Variants in C5orf24 observed in about 807,000 individuals in gnomAD.
The protein encoded by C5orf24 is chromosome 5 open reading frame 24, also known as UPF0461 protein C5orf24.
Under a neutral mutation model 9.8 loss-of-function variants are expected in C5orf24, and 4 were observed. That is an observed-to-expected ratio of 0.41 (90% CI 0.20 to 0.93). C5orf24 has a LOEUF of 0.93. Among genes scored for constraint, C5orf24 ranks in the 40% least tolerant of loss-of-function variants. The probability of loss-of-function intolerance (pLI) is 0.33; values close to 1 mark genes in which losing one functional copy is unlikely to be tolerated. For missense variants in C5orf24, 170 were observed against 236.9 expected (o/e 0.72, Z 1.85); for synonymous variants, 73 against 81.3 (o/e 0.90, Z 0.55).
intron 1 of C5orf24, among the ~76,000 whole-genome samples, chr5:134,849,992 A>C (rs1443670738): frequency 1.3e-5 from 2 of 151,972 alleles, no homozygotes; most frequent in South Asian, 4.2e-4. Flanking sequence ...ATTGGAATAA[A>C]TAGCTTTACT....
chr5:134,845,746 GTTA>G (rs1755970035), upstream of C5orf24: 1 of 152,310 alleles, frequency 6.6e-6, no homozygotes, highest in Non-Finnish European at 1.5e-5. Context: ...AAGTAAGGAA[GTTA>G]TTAATTCCCC....
At chr5:134,841,544 G>A (rs1755893880), upstream of C5orf24, among the ~76,000 whole-genome samples, 2 of 151,996 alleles carry the variant, frequency 1.3e-5, no homozygotes, top group Non-Finnish European at 1.5e-5. Flanking sequence ...CCAACATCTC[G>A]CCACTGCACT....
the C5orf24 span, among the ~76,000 whole-genome samples, chr5:134,839,125 T>G: frequency 1.7e-4 from 25 of 149,886 alleles, no homozygotes; most frequent in African/African-American, 5.6e-4. Context: ...CCCCTGAGCC[T>G]GGGGAGGTTG....
At chr5:134,836,070 A>T in the C5orf24 span, among the ~76,000 whole-genome samples, 2 of 151,870 alleles carry the variant, frequency 1.3e-5, no homozygotes, top group African/African-American at 2.4e-5. Context: ...ATATTTTTAA[A>T]TGAAAGATAT....
At position 134,855,114 on chromosome 5, in the gene C5orf24, A is replaced by G. The variant is rs770775481; in HGVS notation, c.214A>G (p.Ile72Val). 2.5e-6 allele frequency: 4 copies of G among 1,614,194 alleles called. No homozygotes were observed. Among genetic ancestry groups the G allele is most frequent in the Non-Finnish European group, 3.4e-6 (4 of 1,180,038 alleles). Reference sequence around the variant, plus strand: ...CTTGCAGACTACAAGTGGCAGAAGCATAGAAATAAAAGATGAACTAAAGAA... The same window carrying G: ...CTTGCAGACTACAAGTGGCAGAAGCGTAGAAATAAAAGATGAACTAAAGAA... The part of the protein sequence containing the change: ...THLQTTSGRS[I>V]EIKDELKKKK... Residue 72 changes from isoleucine (I) to valine (V), a missense_variant, in exon 2 of 2, where the codon ATA becomes GTA. Around this residue, in one of 3 missense-constraint regions of C5orf24, gnomAD observed 93 missense variants for 104.5 expected, o/e 0.89. Transcript: ENST00000394976.
chr5:134,848,376 G>C (rs751043159), intron 1 of C5orf24, among the ~76,000 whole-genome samples: 4 of 150,730 alleles, frequency 2.7e-5, no homozygotes, highest in Non-Finnish European at 4.4e-5. Context: ...GGGTCTTTCC[G>C]CCCGGCGTGG....
chr5:134,848,846 A>G (rs1460446455), intron 1 of C5orf24, among the ~76,000 whole-genome samples: 1 of 150,254 alleles, frequency 6.7e-6, no homozygotes, highest in Admixed American at 6.7e-5. Flanking sequence ...AATCCCAGCT[A>G]CTCAGGAGGC....
upstream of C5orf24, chr5:134,845,724 G>GA (rs954373055): frequency 6.6e-6 from 1 of 152,262 alleles, no homozygotes; most frequent in Non-Finnish European, 1.5e-5. Context: ...GAATTGTGGT[G>GA]AAAACCAATA....
upstream of C5orf24, among the ~76,000 whole-genome samples, chr5:134,842,750 A>G (rs1335283531): frequency 1.3e-5 from 2 of 152,126 alleles, no homozygotes; most frequent in African/African-American, 2.4e-5. Context: ...CTTCTGTGAA[A>G]TATCTCCAGA....
chr5:134,835,901 G>A, the C5orf24 span, among the ~76,000 whole-genome samples: 34 of 151,840 alleles, frequency 2.2e-4, no homozygotes, highest in Non-Finnish European at 3.1e-4. Context: ...GTCTCGCTAT[G>A]TTGCCCAGGC....
chr5:134,834,928 C>T, the C5orf24 span, among the ~76,000 whole-genome samples: 1 of 152,090 alleles, frequency 6.6e-6, no homozygotes, highest in South Asian at 2.1e-4. Context: ...CCTGTAGTCC[C>T]AGCTACTCGG....
At chr5:134,837,123 G>A in the C5orf24 span, among the ~76,000 whole-genome samples, 345 of 151,970 alleles carry the variant, frequency 2.3e-3, no homozygotes, top group Non-Finnish European at 3.8e-3. Context: ...ATAGGCATGC[G>A]TCACCATGCC....
chr5:134,852,945 C>G (rs1437628146), intron 1 of C5orf24, among the ~76,000 whole-genome samples: 1 of 152,176 alleles, frequency 6.6e-6, no homozygotes, highest in African/African-American at 2.4e-5. Flanking sequence ...GCAGGCAGAT[C>G]ACGAGGTCAG....
At chr5:134,838,957 C>T in the C5orf24 span, among the ~76,000 whole-genome samples, 1 of 151,906 alleles carries the variant, frequency 6.6e-6, no homozygotes, top group African/African-American at 2.4e-5. Context: ...ACCTGTAATC[C>T]CAGCACTTTG....
rs554710732 is a variant in C5orf24 at position 134,856,205 on chromosome 5, A to G, written c.*738A>G. 1.0e-6 allele frequency: 1 copy of G among 994,374 alleles called. No individual in the cohort carries two copies. Among genetic ancestry groups the G allele is most frequent in the South Asian group, 4.7e-5 (1 of 21,150 alleles). 61.6% of individuals were successfully genotyped at this position (994,374 alleles called of 1,614,324 possible). A position where few individuals can be genotyped will look rare whatever the true frequency, so the allele number is the denominator to read the frequency against. ...ACAGAAAATTTAAACTATTTTATAAAAACTGCACATTACATTTTTGGTGAA... is the reference window on the plus strand; with the variant it reads ...ACAGAAAATTTAAACTATTTTATAAGAACTGCACATTACATTTTTGGTGAA... On this transcript the variant is annotated 3_prime_UTR_variant, in exon 2 of 2. Coordinates refer to ENST00000394976, the MANE Select transcript of C5orf24 (RefSeq NM_001135586.1).
At chr5:134,852,336 A>G (rs1458562536) in intron 1 of C5orf24, among the ~76,000 whole-genome samples, 1 of 152,190 alleles carries the variant, frequency 6.6e-6, no homozygotes, top group Non-Finnish European at 1.5e-5. Context: ...CTCAAGTCTA[A>G]AAAGCTTTTG....
chr5:134,853,180 A>T (rs1756207513), intron 1 of C5orf24, among the ~76,000 whole-genome samples: 1 of 151,614 alleles, frequency 6.6e-6, no homozygotes, highest in Non-Finnish European at 1.5e-5. Flanking sequence ...AAAATAAAAA[A>T]TAAAATGAAA....
Position 134,854,895 on chromosome 5 carries a change from T to C in C5orf24, c.-3-3T>C, listed in dbSNP as rs7700841. On this transcript the variant is annotated splice_polypyrimidine_tract_variant and splice_region_variant and intron_variant, in intron 1 of 1. Coordinates refer to ENST00000394976, the MANE Select transcript of C5orf24 (RefSeq NM_001135586.1). ...ATATATATTTGTCTTTTATTTTTGG[T>C]AGAAAATGATGCATCCTGTTGCCAG... 6.2e-7 allele frequency: 1 copy of C among 1,613,032 alleles called. No homozygotes were observed. Among genetic ancestry groups the C allele is most frequent in the South Asian group, 1.1e-5 (1 of 90,930 alleles).
At chr5:134,851,375 G>C (rs1756156668) in intron 1 of C5orf24, among the ~76,000 whole-genome samples, 1 of 152,198 alleles carries the variant, frequency 6.6e-6, no homozygotes, top group Admixed American at 6.5e-5. Context: ...ATTTTAAGTT[G>C]GGTCTGTGTT....
Sources: gnomAD v4.1 joint callset for allele counts (sites outside exome capture counted in the v4.1 genomes callset) on GRCh38, gnomAD v4.1.1 for gene constraint, gnomAD v4.1.1 regional missense constraint, MANE v1.5 for transcripts, NCBI Gene and HGNC (gene_info 2026-07-23, HGNC 2026-07-21) for gene names.